The following CBFA2T3 variants were observed in gnomAD, a reference collection of about 807,000 sequenced individuals.
CBFA2T3 encodes transcriptional corepressor CBFA2T3.
In CBFA2T3, 31 loss-of-function variants were observed where a neutral mutation model predicts 58.6. That is an observed-to-expected ratio of 0.53 (90% confidence interval 0.40 to 0.71). CBFA2T3 has a LOEUF of 0.71. Among genes scored for constraint, CBFA2T3 ranks in the 30% least tolerant of loss-of-function variants. CBFA2T3 has a pLI of 0.00. For synonymous variants in CBFA2T3, 531 were observed against 421.9 expected, an observed-to-expected ratio of 1.26 and a Z score of -3.17; for missense variants, 1,076 against 963.1, an observed-to-expected ratio of 1.12 and a Z score of -1.55.
At chr16:88,908,603 A>AGTG (rs959166912) in intron 1 of CBFA2T3, among the ~76,000 whole-genome samples, 32 of 152,212 alleles carry the variant, frequency 2.1e-4, no homozygotes, top group Non-Finnish European at 8.8e-5. Flanking sequence ...AAACAGCCAC[A>AGTG]GCCCAGGGCT....
At chr16:88,941,327 C>G (rs1189524843) in intron 1 of CBFA2T3, 1 of 223,496 alleles carries the variant, frequency 4.5e-6, no homozygotes, top group African/African-American at 2.4e-5. Context: ...GCTCCAACGC[C>G]GCGCGCTCGC....
At chr16:88,930,520 A>G in intron 1 of CBFA2T3, among the ~76,000 whole-genome samples, 1 of 151,740 alleles carries the variant, frequency 6.6e-6, no homozygotes, top group Non-Finnish European at 1.5e-5. Context: ...ACAGGGAAGG[A>G]GGCTCCCCAC....
chr16:88,938,336 C>G (rs1971577804), intron 1 of CBFA2T3: 1 of 152,740 alleles, frequency 6.5e-6, no homozygotes, highest in Admixed American at 6.5e-5. Context: ...AAAGGAACGC[C>G]CGGGCAGGGC....
At position 88,891,955 on chromosome 16, in the gene CBFA2T3, A is replaced by G. The variant is rs1255640461; in HGVS notation, c.638T>C (p.Ile213Thr). The change falls in exon 5 of 12, where the codon ATC (isoleucine) becomes ACC (threonine). Residue 213 changes from isoleucine to threonine, a missense_variant. Ile to Thr is a moderately conservative substitution (Grantham distance 89). Transcript: ENST00000268679. ...VLGLVNSTLT[I>T]EEFHSKLQEA... ...CTGAAGCTTGGAATGAAACTCCTCG[A>G]TCGTCAATGTCGAGTTCTGCAGGGG... 2 of 1,613,188 alleles carry G rather than the reference A, an allele frequency of 1.2e-6. No homozygotes were observed. Among genetic ancestry groups the G allele is most frequent in the Admixed American group, 1.7e-5 (1 of 59,990 alleles).
In CBFA2T3 at chr16:88,891,876, C is replaced by T. The variant is rs369980008; in HGVS notation, c.711+6G>A. 2.4e-5 allele frequency: 38 copies of T among 1,604,340 alleles called. 1 individual carries two copies. Among genetic ancestry groups the T allele is most frequent in the African/African-American group, 2.1e-4 (16 of 74,646 alleles). On this transcript the variant is annotated splice_donor_region_variant and intron_variant, in intron 5 of 11. Transcript: ENST00000268679. Reference sequence around the variant, plus strand: ...CCCGCAGCACGGGGGACGGGTTTCGCATTACCTTCAGGAAGGGAATGACAA... The same window carrying T: ...CCCGCAGCACGGGGGACGGGTTTCGTATTACCTTCAGGAAGGGAATGACAA...
chr16:88,972,489 C>A (rs1295913471), intron 1 of CBFA2T3, among the ~76,000 whole-genome samples: 1 of 152,160 alleles, frequency 6.6e-6, no homozygotes, highest in African/African-American at 2.4e-5. Context: ...CTTCGTAAAT[C>A]CTCCCTCATG....
In CBFA2T3 at chr16:88,960,342, C is replaced by T. The variant is rs374399706; in HGVS notation, c.151+16315G>A. Among the ~76,000 whole-genome samples, 57 of 152,262 alleles carry T rather than the reference C, an allele frequency of 3.7e-4. 1 individual carries two copies. In the South Asian group the frequency reaches 8.3e-3, roughly 22 times the overall value. On this transcript the variant is annotated intron_variant, in intron 1 of 11. Transcript: ENST00000268679. ...CTCACGGGGCCAGGTGCCAGGTCGA[C>T]GGGGTTATGGGTGCAGAGGCTGTTT... is the stretch of plus-strand genomic sequence containing the variant.
At chr16:88,880,875 G>A in intron 9 of CBFA2T3, 87 bp from the exon 10 acceptor site, 5 of 1,225,684 alleles carry the variant, frequency 4.1e-6, no homozygotes, top group Non-Finnish European at 5.8e-6. Flanking sequence ...TGGGCCCTGA[G>A]TGCAGGGCGT....
At chr16:88,912,507 C>T (rs1342881965) in intron 1 of CBFA2T3, among the ~76,000 whole-genome samples, 1 of 152,180 alleles carries the variant, frequency 6.6e-6, no homozygotes, top group East Asian at 1.9e-4. Flanking sequence ...CGCAAATGTC[C>T]CTCCTCAGAG....
intron 1 of CBFA2T3, among the ~76,000 whole-genome samples, chr16:88,960,545 TTCC>T (rs1250499492): frequency 6.6e-6 from 1 of 152,240 alleles, no homozygotes; most frequent in African/African-American, 2.4e-5. Flanking sequence ...AATCTCAATT[TTCC>T]TTATGAAAAG....
chr16:88,944,892 C>T lies in CBFA2T3; in HGVS notation c.151+31765G>A, dbSNP rs76737905. Among the ~76,000 whole-genome samples, 8 of 152,332 alleles carry T rather than the reference C, an allele frequency of 5.3e-5. No homozygotes were observed. The East Asian group carries it at 9.6e-4, about 18-fold the overall frequency. ...AGCCTTGTTTGCCAGAGGAGAACAC[C>T]GGGACCCAGAAAGCTTGAGTAATCT... On this transcript the variant is annotated intron_variant, in intron 1 of 11. Transcript: ENST00000268679.
At position 88,919,611 on chromosome 16, in the gene CBFA2T3, G is replaced by A. The variant is rs1023252979; in HGVS notation, c.152-17955C>T. ...ACTCCTCGAATTCTCCAAACTGCACGCATGGTGCAGGGCAAGCGCGGGTGT... is the reference window on the plus strand; with the variant it reads ...ACTCCTCGAATTCTCCAAACTGCACACATGGTGCAGGGCAAGCGCGGGTGT... On this transcript the variant is annotated intron_variant, in intron 1 of 11. Coordinates refer to ENST00000268679, the MANE Select transcript of CBFA2T3 (RefSeq NM_005187.6). 4.6e-5 allele frequency among the ~76,000 whole-genome samples: 7 copies of A among 152,162 alleles called. No homozygotes were observed. The East Asian group carries it at 5.8e-4, about 13-fold the overall frequency.
intron 3 of CBFA2T3, among the ~76,000 whole-genome samples, chr16:88,893,023 C>A (rs11076736): frequency 6.6e-6 from 1 of 152,152 alleles, no homozygotes; most frequent in Admixed American, 6.5e-5. Context: ...CTCCACACGT[C>A]GGGGGCTTGA....
intron 4 of CBFA2T3, 25 bp downstream of exon 4, chr16:88,892,219 C>A (rs1214105644): frequency 6.3e-7 from 1 of 1,597,174 alleles, no homozygotes; most frequent in Non-Finnish European, 8.5e-7. Flanking sequence ...TGTCCCAAGG[C>A]CCCGGCTGTC....
At chr16:88,922,372 C>T (rs1245179941) in intron 1 of CBFA2T3, among the ~76,000 whole-genome samples, 1 of 152,252 alleles carries the variant, frequency 6.6e-6, no homozygotes, top group Non-Finnish European at 1.5e-5. Context: ...CTGCTGCTGC[C>T]TTAGCAGGAT....
At chr16:88,969,775 G>A (rs968832943) in intron 1 of CBFA2T3, among the ~76,000 whole-genome samples, 8 of 152,216 alleles carry the variant, frequency 5.3e-5, no homozygotes, top group Non-Finnish European at 1.2e-4. Context: ...TGGGGCTCCC[G>A]GTGGGCCCTA....
chr16:88,922,928 T>C (rs1260153657), intron 1 of CBFA2T3, among the ~76,000 whole-genome samples: 1 of 152,186 alleles, frequency 6.6e-6, no homozygotes, highest in Non-Finnish European at 1.5e-5. Flanking sequence ...ACCGTACAGA[T>C]GGGGCAGCAA....
intron 1 of CBFA2T3, among the ~76,000 whole-genome samples, chr16:88,973,001 G>A (rs929891404): frequency 6.6e-6 from 1 of 152,212 alleles, no homozygotes; most frequent in African/African-American, 2.4e-5. Context: ...GCCTCTGGCT[G>A]GAGCCCACAG....
chr16:88,965,037 C>CTCCATCCA (rs987127297), intron 1 of CBFA2T3, among the ~76,000 whole-genome samples: 1 of 147,948 alleles, frequency 6.8e-6, no homozygotes, highest in South Asian at 2.2e-4. Context: ...CTATGCACTT[C>CTCCATCCA]TCCATCCATC....
Sources: gnomAD v4.1 joint callset for allele counts (sites outside exome capture counted in the v4.1 genomes callset) on GRCh38, gnomAD v4.1.1 for gene constraint, MANE v1.5 for transcripts, NCBI Gene and HGNC (gene_info 2026-07-23, HGNC 2026-07-21) for gene names.